Variants in SLIT3 observed in about 807,000 individuals in gnomAD.
SLIT3 encodes slit homolog 3 protein.
Under a neutral mutation model 184.0 loss-of-function variants are expected in SLIT3, and 68 were observed. The ratio of observed to expected loss-of-function variants is 0.37; its 90% CI spans 0.30 to 0.45. The LOEUF is 0.45. SLIT3 is among the 20% of genes least tolerant of loss of function. SLIT3 has a pLI of 1.00. For synonymous variants in SLIT3, 831 were observed against 828.6 expected (o/e 1.00, Z -0.05); for missense variants, 1,707 against 2,026.0 (o/e 0.84, Z 3.02).
intron 3 of SLIT3, among the ~76,000 whole-genome samples, chr5:169,202,981 C>T (rs913790140): frequency 6.6e-6 from 1 of 152,132 alleles, no homozygotes; most frequent in Admixed American, 6.6e-5. Context: ...CCCACAAATG[C>T]CCCTGCATCC....
intron 1 of SLIT3, among the ~76,000 whole-genome samples, chr5:169,275,495 T>C (rs1688555210): frequency 1.3e-5 from 2 of 152,140 alleles, no homozygotes; most frequent in African/African-American, 4.8e-5. Flanking sequence ...AAAAGGATTG[T>C]ATTAATCTGT....
At chr5:169,210,522 T>C (rs188294764) in intron 3 of SLIT3, among the ~76,000 whole-genome samples, 23 of 152,264 alleles carry the variant, frequency 1.5e-4, no homozygotes, top group East Asian at 1.2e-3. Flanking sequence ...GAAAATGATG[T>C]GTTGCTCAGC....
intron 4 of SLIT3, among the ~76,000 whole-genome samples, chr5:168,967,027 G>A (rs1467809027): frequency 6.6e-6 from 1 of 152,188 alleles, no homozygotes; most frequent in Non-Finnish European, 1.5e-5. Context: ...CACTTTGGAT[G>A]ATGGAAAAAA....
At chr5:168,890,301 C>A (rs72827697) in intron 4 of SLIT3, among the ~76,000 whole-genome samples, 13,441 of 152,066 alleles carry the variant, frequency 0.088, 752 homozygotes, top group Non-Finnish European at 0.13. Context: ...TTTAAATTTT[C>A]GGAAGGAAAA....
intron 4 of SLIT3, among the ~76,000 whole-genome samples, chr5:169,131,590 ATTCTGC>A (rs1175335139): frequency 2.6e-5 from 4 of 152,242 alleles, no homozygotes; most frequent in Non-Finnish European, 4.4e-5. Context: ...TTCTTTCCTG[ATTCTGC>A]AGGTTTACGA....
chr5:168,681,462 C>G (rs1213437701), intron 32 of SLIT3, among the ~76,000 whole-genome samples: 1 of 152,198 alleles, frequency 6.6e-6, no homozygotes, highest in Non-Finnish European at 1.5e-5. Context: ...CCTTGGGCCC[C>G]TGAGGATTGG....
At chr5:169,031,019 C>G (rs1757007570) in intron 4 of SLIT3, among the ~76,000 whole-genome samples, 1 of 152,166 alleles carries the variant, frequency 6.6e-6, no homozygotes, top group African/African-American at 2.4e-5. Flanking sequence ...AAGCTTTCCT[C>G]TCCTGAATAG....
chr5:169,165,945 G>A (rs1762624715), intron 4 of SLIT3, among the ~76,000 whole-genome samples: 1 of 152,180 alleles, frequency 6.6e-6, no homozygotes, highest in Non-Finnish European at 1.5e-5. Context: ...CTCTGAATGA[G>A]TGCTTAGCAG....
At chr5:169,128,487 G>T (rs756808496) in intron 4 of SLIT3, among the ~76,000 whole-genome samples, 35 of 152,002 alleles carry the variant, frequency 2.3e-4, no homozygotes, top group Non-Finnish European at 4.3e-4. Context: ...GGAGTGCAGT[G>T]GCACAATCTT....
chr5:169,054,216 T>TAAAA (rs35649544), intron 4 of SLIT3, among the ~76,000 whole-genome samples: 2 of 69,786 alleles, frequency 2.9e-5, no homozygotes, highest in African/African-American at 5.2e-5. Flanking sequence ...AGAGAGACAC[T>TAAAA]AAAAAAAAAA....
intron 20 of SLIT3, among the ~76,000 whole-genome samples, chr5:168,732,947 T>G (rs192687290): frequency 3.5e-4 from 53 of 152,032 alleles, no homozygotes; most frequent in African/African-American, 1.3e-3. Flanking sequence ...GCAAATGTAG[T>G]AAAAACAAAA....
intron 33 of SLIT3, among the ~76,000 whole-genome samples, 192 bp downstream of exon 33, chr5:168,672,985 C>T (rs1761299765): frequency 6.6e-6 from 1 of 152,148 alleles, no homozygotes; most frequent in Non-Finnish European, 1.5e-5. Flanking sequence ...GTTCTCTTTC[C>T]TTTCCAAGCA....
At chr5:169,259,937 G>T (rs1319221266) in intron 1 of SLIT3, among the ~76,000 whole-genome samples, 1 of 152,120 alleles carries the variant, frequency 6.6e-6, no homozygotes, top group Non-Finnish European at 1.5e-5. Context: ...AAGGGATGTG[G>T]TCTAAACACC....
intron 4 of SLIT3, among the ~76,000 whole-genome samples, chr5:169,088,737 T>C (rs896742075): frequency 1.3e-5 from 2 of 152,094 alleles, no homozygotes; most frequent in South Asian, 2.1e-4. Flanking sequence ...GAGCTGACTG[T>C]GGCTGGGCAC....
chr5:168,825,817 G>T (rs1460440903), intron 6 of SLIT3, among the ~76,000 whole-genome samples: 1 of 152,192 alleles, frequency 6.6e-6, no homozygotes, highest in East Asian at 1.9e-4. Flanking sequence ...GGGGGTGAGG[G>T]CTATGCTTCT....
chr5:169,192,517 A>G (rs1432581466), intron 4 of SLIT3, among the ~76,000 whole-genome samples: 1 of 152,102 alleles, frequency 6.6e-6, no homozygotes, highest in Non-Finnish European at 1.5e-5. Context: ...ACACACTGAC[A>G]TGTGTTTCAT....
intron 3 of SLIT3, among the ~76,000 whole-genome samples, chr5:169,195,815 C>T (rs1019671700): frequency 2.0e-5 from 3 of 152,206 alleles, no homozygotes; most frequent in Non-Finnish European, 2.9e-5. Flanking sequence ...AGTGAGTCAC[C>T]GTGCCCGGCT....
chr5:168,747,700 T>C (rs1219298553), intron 20 of SLIT3, among the ~76,000 whole-genome samples: 1 of 152,082 alleles, frequency 6.6e-6, no homozygotes, highest in Admixed American at 6.6e-5. Flanking sequence ...GCTGGGAGTT[T>C]CTGGTGCAGA....
intron 4 of SLIT3, among the ~76,000 whole-genome samples, chr5:168,924,508 A>ATG (rs35121067): frequency 0.068 from 9,694 of 141,866 alleles, 965 homozygotes; most frequent in African/African-American, 0.23. Flanking sequence ...GTGTGTGTGT[A>ATG]TGTGTGTGTG....
Sources: gnomAD v4.1 joint callset for allele counts (sites outside exome capture counted in the v4.1 genomes callset) on GRCh38, gnomAD v4.1.1 for gene constraint, MANE v1.5 for transcripts, NCBI Gene and HGNC (gene_info 2026-07-23, HGNC 2026-07-21) for gene names.